Variants in TDG observed in about 807,000 individuals in gnomAD.
TDG encodes thymine DNA glycosylase.
TDG carries 23 observed loss-of-function variants against 46.1 expected under a neutral mutation model. The ratio of observed to expected loss-of-function variants is 0.50; its 90% CI spans 0.36 to 0.71. The LOEUF is 0.71. TDG is among the 30% of genes least tolerant of loss of function. The probability of loss-of-function intolerance (pLI) is 0.00; values close to 1 mark genes in which losing one functional copy is unlikely to be tolerated. For missense variants in TDG, 304 were observed against 486.7 expected (o/e 0.62, Z 3.53); for synonymous variants, 115 against 161.3 (o/e 0.71, Z 2.18).
At chr12:103,972,792 T>G (rs1871342389) in intron 1 of TDG, among the ~76,000 whole-genome samples, 1 of 152,232 alleles carries the variant, frequency 6.6e-6, no homozygotes, top group South Asian at 2.1e-4. Flanking sequence ...TTTCACTTTT[T>G]ATTCAGCCAA....
At chr12:103,972,608 T>A (rs1245934995) in intron 1 of TDG, among the ~76,000 whole-genome samples, 1 of 152,240 alleles carries the variant, frequency 6.6e-6, no homozygotes, top group Non-Finnish European at 1.5e-5. Flanking sequence ...ACTAACACAT[T>A]TGATTTTCCA....
chr12:103,969,190 G>A (rs1187003048), intron 1 of TDG, among the ~76,000 whole-genome samples: 1 of 152,188 alleles, frequency 6.6e-6, no homozygotes, highest in Non-Finnish European at 1.5e-5. Context: ...CAATTATTAG[G>A]TACTATTCCC....
At position 103,985,727 on chromosome 12, in the gene TDG, A is replaced by G; in HGVS notation, c.1089A>G (p.Leu363=). Residue 363 remains leucine, a splice_region_variant and synonymous_variant, in exon 9 of 10, where the codon CTA becomes CTG. Transcript: ENST00000392872. ...CTTGTGGCTTCTCTTCAAATGGGCT[A>G]AGTATGGTTCCCTCCACATGTGTAT... ...SEPCGFSSNG[L]IESVELRGES... 1.2e-6 allele frequency: 2 copies of G among 1,611,388 alleles called. No homozygotes were observed. Among genetic ancestry groups the G allele is most frequent in the Non-Finnish European group, 1.7e-6 (2 of 1,178,812 alleles).
rs975225324 is a variant in TDG at position 103,966,178 on chromosome 12, G to A, written c.23+118G>A. ...TCCCGGCCGGAATACAAAGGCCGGG[G>A]CCGCGCGTGCGCACTGTGGCCTGGT... is the stretch of plus-strand genomic sequence containing the variant. On this transcript the variant is annotated intron_variant, in intron 1 of 9. Transcript: ENST00000392872. 31 of 1,310,232 alleles carry A rather than the reference G, an allele frequency of 2.4e-5. No homozygotes were observed. The African/African-American group carries it at 3.4e-4, about 14-fold the overall frequency. The allele number at this position is 1,310,232 out of a possible 1,614,324, so 81.2% of individuals were successfully genotyped here. A position where few individuals can be genotyped will look rare whatever the true frequency, so the allele number is the denominator to read the frequency against.
intron 1 of TDG, among the ~76,000 whole-genome samples, chr12:103,975,509 T>C (rs4135082): frequency 0.084 from 12,805 of 152,156 alleles, 833 homozygotes; most frequent in East Asian, 0.31. Flanking sequence ...CGTCATAAAA[T>C]GGCAGAAGGA....
chr12:103,986,621 T>C (rs1872166795), intron 9 of TDG: 1 of 202,026 alleles, frequency 4.9e-6, no homozygotes, highest in Non-Finnish European at 1.0e-5. Flanking sequence ...ATAATATATA[T>C]GCCTCTCCTC....
At chr12:103,983,051 C>A in intron 5 of TDG, 85 bp from the exon 6 acceptor site, 1 of 1,554,854 alleles carries the variant, frequency 6.4e-7, no homozygotes, top group Non-Finnish European at 8.7e-7. Context: ...GTACAATATG[C>A]TCTTTCATTG....
chr12:103,981,922 G>A (rs1256597704), intron 4 of TDG, among the ~76,000 whole-genome samples: 1 of 152,174 alleles, frequency 6.6e-6, no homozygotes, highest in Admixed American at 6.5e-5. Flanking sequence ...GCTGGGTTGG[G>A]AAAATTGCTT....
chr12:103,969,187 T>G (rs1871185677), intron 1 of TDG, among the ~76,000 whole-genome samples: 1 of 152,234 alleles, frequency 6.6e-6, no homozygotes, highest in South Asian at 2.1e-4. Context: ...AACCAATTAT[T>G]AGGTACTATT....
intron 2 of TDG, among the ~76,000 whole-genome samples, chr12:103,978,672 A>G (rs1270166412): frequency 6.6e-6 from 1 of 152,206 alleles, no homozygotes; most frequent in Non-Finnish European, 1.5e-5. Flanking sequence ...GTTAGGAGAA[A>G]TGTTAAATAA....
At chr12:103,973,084 A>G in intron 1 of TDG, 1 of 359,894 alleles carries the variant, frequency 2.8e-6, no homozygotes, top group Non-Finnish European at 4.7e-6. Context: ...CACGTTTCAT[A>G]CATTTTTTTT....
In TDG at chr12:103,982,790, AT is replaced by A; in HGVS notation, c.479-5del. ...AAAAAAAATAAATAACTGAATTTTCATTTTACAGGGAAGTGTTTGTTTATGT... is the reference window on the plus strand; with the variant it reads ...AAAAAAAATAAATAACTGAATTTTCATTTACAGGGAAGTGTTTGTTTATGT... On this transcript the variant is annotated splice_polypyrimidine_tract_variant and splice_region_variant and intron_variant, in intron 4 of 9. Transcript: ENST00000392872. The A allele has an allele frequency of 6.2e-7, 1 of 1,611,426 alleles. No homozygotes were observed.
chr12:103,980,832 G>GA, intron 3 of TDG, 61 bp from the exon 4 acceptor site: 1 of 1,504,126 alleles, frequency 6.6e-7, no homozygotes, highest in African/African-American at 1.4e-5. Flanking sequence ...CTCCTCCATA[G>GA]AAACGCTAAG....
rs4135148 is a variant in TDG at position 103,988,498 on chromosome 12, G to A, written c.*1408G>A. On this transcript the variant is annotated 3_prime_UTR_variant, in exon 10 of 10. Transcript: ENST00000392872. ...GTACTGTACTGCTGTTTACATGGAC[G>A]TTTTGTGCGGGTGCTTTGAAGTGCC... 5,770 of 151,696 alleles carry A rather than the reference G, an allele frequency of 0.038. 6 individuals are homozygous for A. The highest frequency in any genetic ancestry group is 0.083 in the South Asian group (395 of 4,764). The allele number at this position is 151,696 out of a possible 1,614,324, so 9.4% of individuals were successfully genotyped here.
At chr12:103,974,536 C>A (rs1192401184) in intron 1 of TDG, among the ~76,000 whole-genome samples, 4 of 152,190 alleles carry the variant, frequency 2.6e-5, no homozygotes, top group African/African-American at 9.7e-5. Flanking sequence ...CCGCCTTGCC[C>A]TCCCAAAGCA....
intron 1 of TDG, among the ~76,000 whole-genome samples, chr12:103,971,732 CG>C (rs1349990639): frequency 1.2e-4 from 18 of 152,016 alleles, no homozygotes; most frequent in African/African-American, 4.1e-4. Context: ...GAAAAGTGAA[CG>C]AAGAGAAATA....
At chr12:103,983,258 T>C (rs754834320) in intron 6 of TDG, 37 bp from the exon 7 acceptor site, 29 of 1,571,776 alleles carry the variant, frequency 1.8e-5, no homozygotes, top group Admixed American at 1.8e-4. Context: ...TTTGCTAACA[T>C]TATGGGCAAT....
intron 1 of TDG, 87 bp from the exon 2 acceptor site, chr12:103,976,831 T>C (rs1216980411): frequency 4.7e-6 from 7 of 1,502,852 alleles, no homozygotes; most frequent in Non-Finnish European, 6.4e-6. Context: ...TACTTAATAC[T>C]GTACTGAAGA....
In TDG at chr12:103,973,085, C is replaced by CTTTTTTTTT; in HGVS notation, c.24-3833_24-3832insTTTTTTTTT. ...TGACAGAGTAAAAACACGTTTCATA[C>CTTTTTTTTT]ATTTTTTTTTTTTTTTGAGACGGAG... On this transcript the variant is annotated intron_variant, in intron 1 of 9. Coordinates refer to ENST00000392872, the MANE Select transcript of TDG (RefSeq NM_003211.6). 7 of 308,216 alleles carry CTTTTTTTTT rather than the reference C, an allele frequency of 2.3e-5. 1 individual carries two copies. The highest frequency in any genetic ancestry group is 1.4e-4 in the East Asian group (3 of 22,106). The allele number at this position is 308,216 out of a possible 1,614,324, so 19.1% of individuals were successfully genotyped here. A position where few individuals can be genotyped will look rare whatever the true frequency, so the allele number is the denominator to read the frequency against.
Sources: gnomAD v4.1 joint callset for allele counts (sites outside exome capture counted in the v4.1 genomes callset) on GRCh38, gnomAD v4.1.1 for gene constraint, MANE v1.5 for transcripts, NCBI Gene and HGNC (gene_info 2026-07-23, HGNC 2026-07-21) for gene names.